CEP128: variants seen among roughly 807,000 people sequenced by gnomAD.
The protein encoded by CEP128 is centrosomal protein 128kDa.
CEP128 carries 132 observed loss-of-function variants against 156.7 expected under a neutral mutation model. That is an observed-to-expected ratio of 0.84 (90% CI 0.73 to 0.97). The LOEUF is 0.97. Ranked by LOEUF, CEP128 falls within the 50% of genes least tolerant of loss-of-function variation. The pLI, the probability that CEP128 is intolerant of heterozygous loss-of-function variation, is 0.00. For synonymous variants in CEP128, 469 were observed against 448.9 expected (o/e 1.04, Z -0.57); for missense variants, 1,252 against 1,281.9 (o/e 0.98, Z 0.36).
chr14:80,901,161 G>C (rs1305485818), intron 6 of CEP128, among the ~76,000 whole-genome samples: 3 of 151,490 alleles, frequency 2.0e-5, no homozygotes, highest in South Asian at 2.1e-4. Flanking sequence ...AGCCGAGATC[G>C]CGCCACTGCA....
Position 80,784,846 on chromosome 14 carries a change from C to T in CEP128, c.2211+49G>A, listed in dbSNP as rs201505379. ...GTTTACGCTTTATTAACTTCATGAG[C>T]CACCAGAAAAATTCCTTCAGTATCA... On this transcript the variant is annotated intron_variant, in intron 15 of 24. Coordinates refer to ENST00000555265, the MANE Select transcript of CEP128 (RefSeq NM_152446.5). 4.1e-5 allele frequency: 60 copies of T among 1,452,026 alleles called. No homozygotes were observed. The African/African-American group carries it at 7.2e-4, about 17-fold the overall frequency. The allele number at this position is 1,452,026 out of a possible 1,614,324, so 89.9% of individuals were successfully genotyped here.
chr14:80,599,756 C>A (rs554337489), intron 19 of CEP128, among the ~76,000 whole-genome samples: 3 of 151,580 alleles, frequency 2.0e-5, no homozygotes, highest in South Asian at 2.1e-4. Flanking sequence ...TACAAAAAAA[C>A]CTAAAGGAAA....
intron 19 of CEP128, among the ~76,000 whole-genome samples, chr14:80,597,435 A>G (rs953456529): frequency 1.3e-5 from 2 of 152,180 alleles, no homozygotes; most frequent in African/African-American, 4.8e-5. Context: ...TAATTTTAAA[A>G]CTTGCAGAAC....
intron 19 of CEP128, among the ~76,000 whole-genome samples, chr14:80,584,330 G>A (rs1395406881): frequency 6.6e-6 from 1 of 151,884 alleles, no homozygotes; most frequent in South Asian, 2.1e-4. Context: ...ATTTTCAGTA[G>A]AGACGGGGTT....
downstream of CEP128, among the ~76,000 whole-genome samples, chr14:80,489,825 A>G (rs532972299): frequency 6.6e-6 from 1 of 151,130 alleles, no homozygotes; most frequent in African/African-American, 2.4e-5. Context: ...TACCACACTT[A>G]CCACCTCCTG....
At chr14:80,629,067 A>G (rs76711608) in intron 19 of CEP128, among the ~76,000 whole-genome samples, 1 of 141,694 alleles carries the variant, frequency 7.1e-6, no homozygotes, top group Non-Finnish European at 1.5e-5. Context: ...AAAAAAAAAA[A>G]CAAACGGGTT....
At chr14:80,591,247 TG>T (rs1892051908) in intron 19 of CEP128, among the ~76,000 whole-genome samples, 3 of 151,938 alleles carry the variant, frequency 2.0e-5, no homozygotes, top group Non-Finnish European at 4.4e-5. Flanking sequence ...ATCGGTGTGC[TG>T]TATTCAGGAG....
At chr14:80,595,907 T>C (rs1471505622) in intron 19 of CEP128, among the ~76,000 whole-genome samples, 2 of 152,044 alleles carry the variant, frequency 1.3e-5, no homozygotes, top group African/African-American at 4.8e-5. Context: ...TGAGACTTAT[T>C]CACTATCACC....
At chr14:80,788,417 G>T (rs976436415) in intron 14 of CEP128, among the ~76,000 whole-genome samples, 1 of 149,698 alleles carries the variant, frequency 6.7e-6, no homozygotes, top group Admixed American at 6.7e-5. Flanking sequence ...AGGCAATTTG[G>T]ATTATAGATT....
At chr14:80,656,166 T>A (rs1217244167) in intron 19 of CEP128, among the ~76,000 whole-genome samples, 1 of 150,836 alleles carries the variant, frequency 6.6e-6, no homozygotes, top group Admixed American at 6.7e-5. Context: ...AAGTCCAAAG[T>A]TAATTTTCTA....
chr14:80,787,606 C>A (rs1410098030), intron 14 of CEP128, among the ~76,000 whole-genome samples: 1 of 152,024 alleles, frequency 6.6e-6, no homozygotes, highest in Non-Finnish European at 1.5e-5. Flanking sequence ...ACTTACCAAA[C>A]TGGAGAACAC....
rs181533460 is a variant in CEP128, at chr14:80,926,807, C to T, written c.-15-10245G>A. 6.6e-4 allele frequency among the ~76,000 whole-genome samples: 101 copies of T among 152,304 alleles called. 1 individual carries two copies. Among genetic ancestry groups the T allele is most frequent in the African/African-American group, 2.3e-3 (95 of 41,574 alleles). ...AGGAAGGAGAAAACTTTTTGCATGACCTCAGCTACCACCATTGCCTGCATC... is the reference window on the plus strand; with the variant it reads ...AGGAAGGAGAAAACTTTTTGCATGATCTCAGCTACCACCATTGCCTGCATC... On this transcript the variant is annotated intron_variant, in intron 2 of 24. Transcript: ENST00000555265.
At chr14:80,701,859 C>T (rs1167691610) in intron 19 of CEP128, among the ~76,000 whole-genome samples, 3 of 152,182 alleles carry the variant, frequency 2.0e-5, no homozygotes, top group African/African-American at 7.2e-5. Flanking sequence ...GTTCAGCAAA[C>T]AGGCCGGATA....
intron 19 of CEP128, among the ~76,000 whole-genome samples, chr14:80,646,018 A>C (rs1202910472): frequency 6.6e-6 from 1 of 152,198 alleles, no homozygotes; most frequent in East Asian, 1.9e-4. Flanking sequence ...TGGAGACGGT[A>C]AAAAGATCAG....
chr14:80,832,568 A>G (rs1885863894), intron 12 of CEP128, among the ~76,000 whole-genome samples: 1 of 152,224 alleles, frequency 6.6e-6, no homozygotes, highest in Non-Finnish European at 1.5e-5. Context: ...TGGATTATAC[A>G]GAAACAGTAC....
intron 19 of CEP128, among the ~76,000 whole-genome samples, chr14:80,630,639 C>CA (rs1208621656): frequency 3.3e-5 from 5 of 151,870 alleles, no homozygotes; most frequent in East Asian, 1.9e-4. Context: ...ATTGTATAGG[C>CA]AAAAAAACTC....
At chr14:80,646,696 T>C (rs1299138223) in intron 19 of CEP128, among the ~76,000 whole-genome samples, 1 of 151,836 alleles carries the variant, frequency 6.6e-6, no homozygotes, top group Non-Finnish European at 1.5e-5. Flanking sequence ...CATTAACTAA[T>C]CCTTAATGTT....
At chr14:80,532,517 T>C (rs1889274722) in intron 21 of CEP128, among the ~76,000 whole-genome samples, 1 of 152,202 alleles carries the variant, frequency 6.6e-6, no homozygotes, top group Admixed American at 6.5e-5. Context: ...TTTATGTCTT[T>C]CACGGGGTTC....
At chr14:80,642,773 T>G (rs568181604) in intron 19 of CEP128, among the ~76,000 whole-genome samples, 1 of 152,014 alleles carries the variant, frequency 6.6e-6, no homozygotes, top group East Asian at 1.9e-4. Flanking sequence ...TTTTTTTTTT[T>G]GAGACAGAGT....
Sources: allele counts gnomAD v4.1 joint callset (sites outside exome capture counted in the v4.1 genomes callset), GRCh38; gene constraint gnomAD v4.1.1; transcripts MANE v1.5; gene names NCBI Gene and HGNC (gene_info 2026-07-23, HGNC 2026-07-21).